Variants in PCDHGA5 observed in about 807,000 individuals in gnomAD.
The protein encoded by PCDHGA5 is protocadherin gamma-A5.
PCDHGA5 carries 36 observed loss-of-function variants against 56.7 expected under a neutral mutation model. The ratio of observed to expected loss-of-function variants is 0.64; its 90% confidence interval spans 0.49 to 0.84. The LOEUF is 0.84. PCDHGA5 is among the 40% of genes least tolerant of loss of function. The pLI, the probability that PCDHGA5 is intolerant of heterozygous loss-of-function variation, is 0.00. For missense variants in PCDHGA5, 1,305 were observed against 1,201.5 expected (o/e 1.09, Z -1.27); for synonymous variants, 563 against 520.2 (o/e 1.08, Z -1.12).
intron 1 of PCDHGA5, chr5:141,414,982 G>A (rs1415279007): frequency 3.7e-6 from 6 of 1,613,712 alleles, no homozygotes; most frequent in Admixed American, 1.7e-5. Flanking sequence ...CAGAGACTCC[G>A]GCCAGAACGC....
chr5:141,372,639 C>A (rs760209074), intron 1 of PCDHGA5: 1 of 1,613,842 alleles, frequency 6.2e-7, no homozygotes, highest in Non-Finnish European at 8.5e-7. Flanking sequence ...AAGGACTTTG[C>A]CTTATTCCTA....
intron 1 of PCDHGA5, chr5:141,395,911 T>C (rs964928270): frequency 2.6e-5 from 4 of 152,144 alleles, no homozygotes; most frequent in African/African-American, 9.7e-5. Flanking sequence ...CATGGAGACA[T>C]GAAATCTAAA....
At chr5:141,410,060 G>C in intron 1 of PCDHGA5, 1 of 1,613,108 alleles carries the variant, frequency 6.2e-7, no homozygotes, top group Non-Finnish European at 8.5e-7. Flanking sequence ...CTTCAGCCTG[G>C]GGCTGCGCAC....
At chr5:141,415,747 T>G (rs774746065) in intron 1 of PCDHGA5, 22 of 797,580 alleles carry the variant, frequency 2.8e-5, no homozygotes, top group Middle Eastern at 5.1e-4. Context: ...AAGGTTTTTT[T>G]TTTTTTTTTT....
Position 141,476,214 on chromosome 5 carries a change from T to C in PCDHGA5, c.2422-18593T>C, listed in dbSNP as rs768153063. 1 of 1,613,974 alleles carries C rather than the reference T, an allele frequency of 6.2e-7. No homozygotes were observed. Among genetic ancestry groups the C allele is most frequent in the African/African-American group, 1.3e-5 (1 of 74,990 alleles). ...GCCTTGAACAAGGCTTCCACGGTCA[T>C]TCACTATGAGATCCCGGAGGAAAGA... On this transcript the variant is annotated intron_variant, in intron 1 of 3. Coordinates refer to ENST00000518069, the MANE Select transcript of PCDHGA5 (RefSeq NM_018918.3). The surrounding 1 kb of genome is among the most constrained non-coding windows in gnomAD (Gnocchi z 7.6).
intron 1 of PCDHGA5, chr5:141,414,883 G>T: frequency 6.2e-7 from 1 of 1,614,176 alleles, no homozygotes; most frequent in Non-Finnish European, 8.5e-7. Context: ...CCTGTACCCC[G>T]CCCTCCCCAC....
chr5:141,494,729 C>T (rs2099756368), intron 1 of PCDHGA5, 78 bp from the exon 2 acceptor site: 31 of 1,610,050 alleles, frequency 1.9e-5, no homozygotes, highest in Admixed American at 3.3e-5. Flanking sequence ...CCTTCTCTCC[C>T]GGCCCATCCC....
At chr5:141,367,326 C>G (rs1765062617) in intron 1 of PCDHGA5, 3 of 152,420 alleles carry the variant, frequency 2.0e-5, no homozygotes. Context: ...ATCACGAGGT[C>G]AGGAGATCGA....
chr5:141,390,276 C>G (rs1475873829), intron 1 of PCDHGA5: 5 of 1,613,990 alleles, frequency 3.1e-6, no homozygotes, highest in Non-Finnish European at 4.2e-6. Context: ...ATTGACTTCC[C>G]ATCAGGTGAG....
chr5:141,376,538 T>C, intron 1 of PCDHGA5: 1 of 1,613,126 alleles, frequency 6.2e-7, no homozygotes, highest in African/African-American at 1.3e-5. Flanking sequence ...GCGGGAAGAG[T>C]AATCTGATCT....
At chr5:141,504,483 AGGCACC>A (rs2099838618) in intron 2 of PCDHGA5, among the ~76,000 whole-genome samples, 1 of 151,954 alleles carries the variant, frequency 6.6e-6, no homozygotes, top group Non-Finnish European at 1.5e-5. Flanking sequence ...AGTACAGTGG[AGGCACC>A]TGCCCAGTCT....
intron 1 of PCDHGA5, among the ~76,000 whole-genome samples, chr5:141,450,649 G>A (rs2098689040): frequency 6.6e-6 from 1 of 151,674 alleles, no homozygotes; most frequent in African/African-American, 2.4e-5. Flanking sequence ...ACCATGCCTG[G>A]CTAATTTTTG....
chr5:141,487,304 C>T lies in PCDHGA5; in HGVS notation c.2422-7503C>T. The T allele has an allele frequency of 6.2e-7, 1 of 1,614,190 alleles. No homozygotes were observed. The highest frequency in any genetic ancestry group is 8.5e-7 in the Non-Finnish European group (1 of 1,180,042). On this transcript the variant is annotated intron_variant, in intron 1 of 3. Transcript: ENST00000518069. This position sits in a 1 kb window ranked among gnomAD's most constrained non-coding sequence, Gnocchi z 5.0. ...TGTCTCCTTTGGCTCATTCGTGGCA[C>T]TACTCTCTAAGTGTCTTCGTGGGGC...
rs2094308599 is a variant in PCDHGA5 at position 141,402,798 on chromosome 5, C to T, written c.2421+36047C>T. ...TTTCCAGTTCTGCGGCTACACAAAA[C>T]CCGGCAGATACCACAAACCTGCTCC... On this transcript the variant is annotated intron_variant, in intron 1 of 3. Transcript: ENST00000518069. 7.6e-6 allele frequency: 8 copies of T among 1,054,376 alleles called. No individual in the cohort carries two copies. The South Asian group carries it at 1.6e-4, about 20-fold the overall frequency. The allele number at this position is 1,054,376 out of a possible 1,614,324, so 65.3% of individuals were successfully genotyped here. A position where few individuals can be genotyped will look rare whatever the true frequency, so the allele number is the denominator to read the frequency against.
chr5:141,458,249 GCT>G (rs1291613361), intron 1 of PCDHGA5, among the ~76,000 whole-genome samples: 1 of 152,136 alleles, frequency 6.6e-6, no homozygotes, highest in African/African-American at 2.4e-5. Flanking sequence ...AAATGATACG[GCT>G]CTGATGAGTG....
intron 1 of PCDHGA5, chr5:141,426,995 C>A (rs772977735): frequency 2.2e-6 from 1 of 456,694 alleles, no homozygotes; most frequent in South Asian, 1.5e-5. Context: ...ACGATAATGC[C>A]CCAGTTTTTA....
intron 1 of PCDHGA5, among the ~76,000 whole-genome samples, chr5:141,379,866 T>A (rs1199183265): frequency 1.3e-5 from 2 of 149,428 alleles, no homozygotes; most frequent in Non-Finnish European, 3.0e-5. Context: ...GTCTTATTCT[T>A]ATTTTATGGT....
Position 141,365,016 on chromosome 5 carries a change from G to T in PCDHGA5, c.686G>T (p.Arg229Leu). The T allele has an allele frequency of 5.0e-6, 8 of 1,613,880 alleles. No individual in the cohort carries two copies. The highest frequency in any genetic ancestry group is 6.8e-6 in the Non-Finnish European group (8 of 1,179,886). ...DPVLSGTTHI[R>L]VTVLDANDNA... The stretch of plus-strand genomic sequence containing the variant: ...GTACTCTCCGGCACCACGCACATCC[G>T]TGTTACGGTCCTCGACGCAAACGAC... Residue 229 changes from arginine to leucine, a missense_variant, in exon 1 of 4, where the codon CGT becomes CTT. By Grantham distance (102) the Arg-to-Leu change is moderately radical. Coordinates refer to ENST00000518069, the MANE Select transcript of PCDHGA5 (RefSeq NM_018918.3).
chr5:141,432,873 T>G lies in PCDHGA5; in HGVS notation c.2422-61934T>G, dbSNP rs753576338. The stretch of plus-strand genomic sequence containing the variant: ...GTGGCCGCGGTCTCCTGCGTCTTCC[T>G]GGCCTTCGTCATCTTGCTGCTGGCG... On this transcript the variant is annotated intron_variant, in intron 1 of 3. Transcript: ENST00000518069. This position sits in a 1 kb window ranked among gnomAD's most constrained non-coding sequence, Gnocchi z 6.0. 4 of 1,614,204 alleles carry G rather than the reference T, an allele frequency of 2.5e-6. No homozygotes were observed. The highest frequency in any genetic ancestry group is 3.4e-6 in the Non-Finnish European group (4 of 1,180,014).
Sources: gnomAD v4.1 joint callset for allele counts (sites outside exome capture counted in the v4.1 genomes callset) on GRCh38, gnomAD v4.1.1 for gene constraint, Gnocchi (gnomAD v3.1) non-coding constraint, MANE v1.5 for transcripts, NCBI Gene and HGNC (gene_info 2026-07-23, HGNC 2026-07-21) for gene names.